C15orf40: variants seen among roughly 807,000 people sequenced by gnomAD.
C15orf40 encodes the protein UPF0235 protein C15orf40.
A neutral mutation model predicts 13.9 loss-of-function variants in C15orf40; 9 were observed. That is an observed-to-expected ratio of 0.65 (90% CI 0.39 to 1.13). C15orf40 has a LOEUF of 1.13. C15orf40 is among the 50% of genes most tolerant of loss of function. The pLI, the probability that C15orf40 is intolerant of heterozygous loss-of-function variation, is 0.01. For synonymous variants in C15orf40, 95 were observed against 69.2 expected, an observed-to-expected ratio of 1.37 and a Z score of -1.85; for missense variants, 225 against 188.5, an observed-to-expected ratio of 1.19 and a Z score of -1.13.
Position 83,004,940 on chromosome 15 carries a change from G to A in C15orf40, c.*657C>T, listed in dbSNP as rs2031594318. ...GGATTTGGGTTCTAGTTGCCAGCTT[G>A]CATGGTACAATCTTGAGTAAGTCTC... is the stretch of plus-strand genomic sequence containing the variant. On this transcript the variant is annotated 3_prime_UTR_variant, in exon 4 of 4. Transcript: ENST00000304177. 3 of 1,296,074 alleles carry A rather than the reference G, an allele frequency of 2.3e-6. No homozygotes were observed. The highest frequency in any genetic ancestry group is 3.1e-6 in the Non-Finnish European group (3 of 980,808). The allele number at this position is 1,296,074 out of a possible 1,614,324, so 80.3% of individuals were successfully genotyped here.
intron 2 of C15orf40, 96 bp downstream of exon 2, chr15:83,010,141 A>C: frequency 6.8e-7 from 1 of 1,476,862 alleles, no homozygotes; most frequent in South Asian, 1.4e-5. Flanking sequence ...TGAAAAATCA[A>C]CTGTCATAGA....
chr15:83,010,298 AG>A lies in C15orf40; in HGVS notation c.176del (p.Pro59LeufsTer7), dbSNP rs1567095789. On this transcript the variant is annotated frameshift_variant, in exon 2 of 4. Coordinates refer to ENST00000304177, the MANE Select transcript of C15orf40 (RefSeq NM_144597.3). LOFTEE classifies it high-confidence loss of function. ...LPPLGPVAVDPKGCVTIAIHA... is the reference protein window; with the variant it reads ...LPPLGPVAVDXKGCVTIAIHA... Reference sequence around the variant, plus strand: ...GGATGGCTATGGTGACGCATCCTTTAGGATCAACTGCCACAGGACCTAAGGG... The same window carrying A: ...GGATGGCTATGGTGACGCATCCTTTAGATCAACTGCCACAGGACCTAAGGG... The A allele has an allele frequency of 1.2e-6, 2 of 1,614,236 alleles. No individual in the cohort carries two copies. The highest frequency in any genetic ancestry group is 1.7e-6 in the Non-Finnish European group (2 of 1,180,042).
Position 83,010,333 on chromosome 15 carries a change from GTCTC to G in C15orf40, c.138_141del (p.Glu46AspfsTer6), listed in dbSNP as rs762519924. 37 of 1,614,080 alleles carry G rather than the reference GTCTC, an allele frequency of 2.3e-5. No homozygotes were observed. The South Asian group carries it at 4.1e-4, about 18-fold the overall frequency. ...GCCACAGGACCTAAGGGAGGAAGTGGTCTCTCTGGTTCCTTGCTCTGGCTTTTAC... is the reference window on the plus strand; with the variant it reads ...GCCACAGGACCTAAGGGAGGAAGTGGTCTGGTTCCTTGCTCTGGCTTTTAC... On this transcript the variant is annotated frameshift_variant, in exon 2 of 4. Transcript: ENST00000304177. LOFTEE classifies it high-confidence loss of function.
chr15:83,004,937 C>A lies in C15orf40; in HGVS notation c.*660G>T, dbSNP rs1389209973. On this transcript the variant is annotated 3_prime_UTR_variant, in exon 4 of 4. Coordinates refer to ENST00000304177, the MANE Select transcript of C15orf40 (RefSeq NM_144597.3). Reference sequence around the variant, plus strand: ...CAAGGATTTGGGTTCTAGTTGCCAGCTTGCATGGTACAATCTTGAGTAAGT... The same window carrying A: ...CAAGGATTTGGGTTCTAGTTGCCAGATTGCATGGTACAATCTTGAGTAAGT... 1.5e-6 allele frequency: 2 copies of A among 1,297,836 alleles called. No homozygotes were observed. The highest frequency in any genetic ancestry group is 2.3e-5 in the Admixed American group (1 of 43,488). The allele number at this position is 1,297,836 out of a possible 1,614,324, so 80.4% of individuals were successfully genotyped here. A position where few individuals can be genotyped will look rare whatever the true frequency, so the allele number is the denominator to read the frequency against.
Position 83,005,183 on chromosome 15 carries a change from A to C in C15orf40, c.*414T>G. The C allele has an allele frequency of 1.9e-6, 2 of 1,041,026 alleles. No homozygotes were observed. Among genetic ancestry groups the C allele is most frequent in the Non-Finnish European group, 1.2e-6 (1 of 861,348 alleles). The allele number at this position is 1,041,026 out of a possible 1,614,324, so 64.5% of individuals were successfully genotyped here. A position where few individuals can be genotyped will look rare whatever the true frequency, so the allele number is the denominator to read the frequency against. On this transcript the variant is annotated 3_prime_UTR_variant, in exon 4 of 4. Transcript: ENST00000304177. ...TGGAGTCTTATTCGAATATATACAT[A>C]TATATATGTCCCCCATGTTCTTCTG...
chr15:83,006,294 C>A, intron 3 of C15orf40: 1 of 784,758 alleles, frequency 1.3e-6, no homozygotes, highest in Non-Finnish European at 1.5e-6. Flanking sequence ...AAATGAAAAT[C>A]ATCTTTAAAA....
At position 83,004,674 on chromosome 15, in the gene C15orf40, AT is replaced by A; in HGVS notation, c.*922del. 1.1e-6 allele frequency: 1 copy of A among 911,658 alleles called. No homozygotes were observed. Among genetic ancestry groups the A allele is most frequent in the East Asian group, 1.1e-4 (1 of 8,796 alleles). The allele number at this position is 911,658 out of a possible 1,614,324, so 56.5% of individuals were successfully genotyped here. A position where few individuals can be genotyped will look rare whatever the true frequency, so the allele number is the denominator to read the frequency against. On this transcript the variant is annotated 3_prime_UTR_variant, in exon 4 of 4. Coordinates refer to ENST00000304177, the MANE Select transcript of C15orf40 (RefSeq NM_144597.3). ...TATAATTCACATTTAATTACAAGTC[AT>A]GATTTTTCTTTACTTTTTCAACAAA...
intron 3 of C15orf40, among the ~76,000 whole-genome samples, chr15:83,007,084 T>C (rs1596409804): frequency 6.6e-6 from 1 of 152,192 alleles, no homozygotes; most frequent in Admixed American, 6.5e-5. Context: ...GCCCCCCTCC[T>C]GCAGATTCTA....
chr15:83,006,274 A>C (rs958440416), intron 3 of C15orf40: 1 of 680,452 alleles, frequency 1.5e-6, no homozygotes. Flanking sequence ...GTCTCAAGCA[A>C]TTAAGTTAAA....
Position 83,005,248 on chromosome 15 carries a change from A to G in C15orf40, c.*349T>C. The stretch of plus-strand genomic sequence containing the variant: ...TTTTCTATTTAACAGCCTCTTCACC[A>G]TTAGCAATAAAAAAGTTTCTCAAGG... On this transcript the variant is annotated 3_prime_UTR_variant, in exon 4 of 4. Coordinates refer to ENST00000304177, the MANE Select transcript of C15orf40 (RefSeq NM_144597.3). The G allele has an allele frequency of 9.8e-7, 1 of 1,015,824 alleles. No individual in the cohort carries two copies. The highest frequency in any genetic ancestry group is 1.7e-5 in the African/African-American group (1 of 57,730). The allele number at this position is 1,015,824 out of a possible 1,614,324, so 62.9% of individuals were successfully genotyped here. A position where few individuals can be genotyped will look rare whatever the true frequency, so the allele number is the denominator to read the frequency against.
downstream of C15orf40, among the ~76,000 whole-genome samples, chr15:82,993,887 G>A (rs978356803): frequency 6.6e-6 from 1 of 152,226 alleles, no homozygotes; most frequent in African/African-American, 2.4e-5. Context: ...AATGTCAAAT[G>A]TTAATTACTG....
chr15:83,011,096 ATTC>A (rs2031983472), intron 1 of C15orf40: 1 of 173,532 alleles, frequency 5.8e-6, no homozygotes, highest in Non-Finnish European at 1.2e-5. Context: ...GGAGTGCTGT[ATTC>A]TTGACAGAAG....
downstream of C15orf40, among the ~76,000 whole-genome samples, chr15:82,989,598 A>G (rs185495151): frequency 3.7e-3 from 560 of 152,296 alleles, 7 homozygotes; most frequent in African/African-American, 0.012. Context: ...TTACCATACC[A>G]TTTTTGTACA....
In C15orf40 at chr15:83,001,321, A is replaced by C. The variant is rs6603041; in HGVS notation, c.*4276T>G. On this transcript the variant is annotated 3_prime_UTR_variant, in exon 4 of 4. Transcript: ENST00000304177. ...CCTAGCAGTGTCTGTCAAGTAAGCA[A>C]CCAAGTTAATAAGTGATTAATACAT... 518,684 of 984,260 alleles carry C rather than the reference A, an allele frequency of 0.53. 139,575 individuals carry two copies. The highest frequency in any genetic ancestry group is 0.77 in the African/African-American group (44,181 of 57,316). 61.0% of individuals were successfully genotyped at this position (984,260 alleles called of 1,614,324 possible).
At chr15:82,994,529 G>T (rs1420398391), downstream of C15orf40, among the ~76,000 whole-genome samples, 2 of 152,054 alleles carry the variant, frequency 1.3e-5, no homozygotes, top group Non-Finnish European at 2.9e-5. Context: ...CAGTGAAAAG[G>T]ATTTTTTTTA....
In C15orf40 at chr15:82,998,850, G is replaced by C. The variant is rs1393230685; in HGVS notation, c.*6747C>G. 1.0e-5 allele frequency: 1 copy of C among 98,348 alleles called. No homozygotes were observed. The highest frequency in any genetic ancestry group is 1.9e-5 in the Non-Finnish European group (1 of 51,328). The allele number at this position is 98,348 out of a possible 1,614,324, so 6.1% of individuals were successfully genotyped here. The stretch of plus-strand genomic sequence containing the variant: ...GGAGGTGTAGGTTGTAGTGAGCCGA[G>C]ATCACGCCACTGCACTCCAGCCTGG... On this transcript the variant is annotated 3_prime_UTR_variant, in exon 4 of 4. Transcript: ENST00000304177.
rs1426469053 is a variant in C15orf40 at position 82,995,606 on chromosome 15, A to C, written c.*9991T>G. 1.3e-5 allele frequency: 2 copies of C among 152,488 alleles called. No homozygotes were observed. The highest frequency in any genetic ancestry group is 2.9e-5 in the Non-Finnish European group (2 of 68,192). 9.4% of individuals were successfully genotyped at this position (152,488 alleles called of 1,614,324 possible). ...TCCAGACCAGCCTGGCCAACATGGC[A>C]AAACCCCATCTCTACTAAAAATACA... On this transcript the variant is annotated 3_prime_UTR_variant, in exon 4 of 4. Transcript: ENST00000304177.
downstream of C15orf40, among the ~76,000 whole-genome samples, chr15:82,993,669 C>T (rs753043632): frequency 4.6e-5 from 7 of 151,950 alleles, no homozygotes; most frequent in Non-Finnish European, 8.8e-5. Context: ...AAAAATTAGC[C>T]AAGCATGGTG....
At position 82,999,806 on chromosome 15, in the gene C15orf40, T is replaced by C. The variant is rs957699204; in HGVS notation, c.*5791A>G. 2.6e-5 allele frequency: 4 copies of C among 152,158 alleles called. No homozygotes were observed. The highest frequency in any genetic ancestry group is 9.7e-5 in the African/African-American group (4 of 41,440). 9.4% of individuals were successfully genotyped at this position (152,158 alleles called of 1,614,324 possible). On this transcript the variant is annotated 3_prime_UTR_variant, in exon 4 of 4. Transcript: ENST00000304177. ...ACTTGTGGCTGCAAAGTTTGGGGATTCTTCCCTCCCCAAACTCTATCTAGG... is the reference window on the plus strand; with the variant it reads ...ACTTGTGGCTGCAAAGTTTGGGGATCCTTCCCTCCCCAAACTCTATCTAGG...
Sources: gnomAD v4.1 joint callset for allele counts (sites outside exome capture counted in the v4.1 genomes callset) on GRCh38, gnomAD v4.1.1 for gene constraint, MANE v1.5 for transcripts, NCBI Gene and HGNC (gene_info 2026-07-23, HGNC 2026-07-21) for gene names.